Variants in SPICE1 observed in about 807,000 individuals in gnomAD.
The protein encoded by SPICE1 is spindle and centriole associated protein 1.
A neutral mutation model predicts 102.7 loss-of-function variants in SPICE1; 75 were observed. The ratio of observed to expected loss-of-function variants is 0.73; its 90% CI spans 0.61 to 0.88. The LOEUF (loss-of-function observed/expected upper bound fraction) is 0.88. SPICE1 is among the 40% of genes least tolerant of loss of function. The probability of loss-of-function intolerance (pLI) is 0.00; values close to 1 mark genes in which losing one functional copy is unlikely to be tolerated. For synonymous variants in SPICE1, 308 were observed against 350.3 expected (o/e 0.88, Z 1.35); for missense variants, 979 against 1,020.1 (o/e 0.96, Z 0.55).
At chr3:113,471,428 T>G (rs1183795496) in intron 7 of SPICE1, among the ~76,000 whole-genome samples, 1 of 152,196 alleles carries the variant, frequency 6.6e-6, no homozygotes, top group African/African-American at 2.4e-5. Context: ...AGCCACAATT[T>G]CAGAAGCTAG....
rs199785041 is a variant in SPICE1, at chr3:113,450,320, T to A, written c.2323+16A>T. On this transcript the variant is annotated intron_variant, in intron 15 of 17. Coordinates refer to ENST00000295872, the MANE Select transcript of SPICE1 (RefSeq NM_144718.4). ...CTTCATATTTCTAGTTTTTAAATCA[T>A]GAATTTGTGACCAACCAGTCCATGC... 857 of 1,613,810 alleles carry A rather than the reference T, an allele frequency of 5.3e-4. 4 individuals carry two copies. Among genetic ancestry groups the A allele is most frequent in the Admixed American group, 2.5e-3 (150 of 59,994 alleles).
chr3:113,454,919 C>CA (rs1254516312), intron 13 of SPICE1, among the ~76,000 whole-genome samples: 1 of 152,134 alleles, frequency 6.6e-6, no homozygotes, highest in Non-Finnish European at 1.5e-5. Context: ...CAATCTTACA[C>CA]AAAAAATAAT....
chr3:113,454,578 T>A (rs563090308), intron 13 of SPICE1, among the ~76,000 whole-genome samples: 14 of 152,216 alleles, frequency 9.2e-5, no homozygotes, highest in Middle Eastern at 3.4e-3. Flanking sequence ...TAGCCAGCCA[T>A]GATGGTGCAC....
At chr3:113,467,154 C>T (rs1576628790) in intron 10 of SPICE1, among the ~76,000 whole-genome samples, 1 of 152,126 alleles carries the variant, frequency 6.6e-6, no homozygotes, top group Admixed American at 6.5e-5. Flanking sequence ...TTTCCTTAAA[C>T]ATTTTTGTCA....
chr3:113,459,946 G>T, intron 12 of SPICE1: 2 of 983,848 alleles, frequency 2.0e-6, no homozygotes, highest in African/African-American at 3.5e-5. Flanking sequence ...CCTAGCCAAT[G>T]AGTTTACCTC....
intron 16 of SPICE1, among the ~76,000 whole-genome samples, chr3:113,447,210 G>A (rs1935538591): frequency 6.6e-6 from 1 of 152,020 alleles, no homozygotes; most frequent in Non-Finnish European, 1.5e-5. Context: ...CATGAAAATG[G>A]ACTAATACAA....
At chr3:113,468,027 G>A (rs530172337) in intron 10 of SPICE1, 112 bp downstream of exon 10, 12 of 1,386,322 alleles carry the variant, frequency 8.7e-6, no homozygotes, top group Admixed American at 2.3e-5. Flanking sequence ...TATTTTAAAC[G>A]AAGCTATTCA....
In SPICE1 at chr3:113,506,580, C is replaced by A; in HGVS notation, c.26G>T (p.Cys9Phe). Residue 9 changes from cysteine (C) to phenylalanine (F), a missense_variant, in exon 2 of 18, where the codon TGT becomes TTT. Transcript: ENST00000295872. ...CTTTCTTACACCAACTCGGGGACCA[C>A]AGCGGTTCACTCTGACAAATGACAT... is the stretch of plus-strand genomic sequence containing the variant. MSFVRVNR[C>F]GPRVGVRKTP... The A allele has an allele frequency of 6.2e-7, 1 of 1,613,178 alleles. No homozygotes were observed.
chr3:113,454,939 A>C (rs1014892911), intron 13 of SPICE1, among the ~76,000 whole-genome samples: 1 of 152,310 alleles, frequency 6.6e-6, no homozygotes, highest in Non-Finnish European at 1.5e-5. Context: ...TTCTGCGAGG[A>C]CATTTGCCCA....
Position 113,453,770 on chromosome 3 carries a change from A to G in SPICE1, c.1838T>C (p.Leu613Ser), listed in dbSNP as rs1389586542. Residue 613 changes from leucine to serine, a missense_variant, in exon 14 of 18, where the codon TTG (leucine) becomes TCG (serine). Coordinates refer to ENST00000295872, the MANE Select transcript of SPICE1 (RefSeq NM_144718.4). ...RWRVSHMGED[L>S]ENKTQAPFVN... The stretch of plus-strand genomic sequence containing the variant: ...AAAAGGAGCCTGAGTTTTGTTCTCC[A>G]AATCTTCTCCCATGTGAGAGACTCT... 2 of 1,613,996 alleles carry G rather than the reference A, an allele frequency of 1.2e-6. No individual in the cohort carries two copies. Among genetic ancestry groups the G allele is most frequent in the Non-Finnish European group, 1.7e-6 (2 of 1,180,034 alleles).
At chr3:113,447,944 T>C (rs1935553758) in intron 16 of SPICE1, 94 bp downstream of exon 16, 1 of 1,156,240 alleles carries the variant, frequency 8.6e-7, no homozygotes, top group Non-Finnish European at 1.2e-6. Flanking sequence ...CTAAGTCAGA[T>C]ACTGTACACT....
At chr3:113,491,282 C>T (rs1211426024) in intron 6 of SPICE1, among the ~76,000 whole-genome samples, 1 of 149,142 alleles carries the variant, frequency 6.7e-6, no homozygotes, top group Non-Finnish European at 1.5e-5. Context: ...ACCCAGAGAA[C>T]TTAAGTAATG....
chr3:113,477,672 A>G (rs1234200451), intron 7 of SPICE1, among the ~76,000 whole-genome samples: 1 of 152,036 alleles, frequency 6.6e-6, no homozygotes, highest in East Asian at 1.9e-4. Flanking sequence ...CATTCTCAGT[A>G]AACTATTGCA....
At chr3:113,471,317 A>G (rs57366942) in intron 7 of SPICE1, among the ~76,000 whole-genome samples, 9,070 of 152,248 alleles carry the variant, frequency 0.06, 344 homozygotes, top group African/African-American at 0.1. Context: ...AAAATTTTTC[A>G]TATTTCATGT....
Position 113,469,214 on chromosome 3 carries a change from C to A in SPICE1, c.636G>T (p.Glu212Asp). The A allele has an allele frequency of 2.5e-6, 4 of 1,588,144 alleles. No homozygotes were observed. The highest frequency in any genetic ancestry group is 4.5e-5 in the East Asian group (2 of 44,322). ...ACAACTTACTAATTAACTCAAAATT[C>A]TCTTCTGTTAGTTGTTGGAGAAACC... is the stretch of plus-strand genomic sequence containing the variant. Reference protein sequence around the residue: ...TDRFLQQLTEENFELISKLWT... With the variant: ...TDRFLQQLTEDNFELISKLWT... Residue 212 changes from glutamate (E) to aspartate (D), a missense_variant, in exon 8 of 18, where the codon GAG becomes GAT. Glu to Asp is a conservative substitution (Grantham distance 45). Transcript: ENST00000295872.
chr3:113,459,625 T>C (rs908841113), intron 12 of SPICE1: 2 of 983,198 alleles, frequency 2.0e-6, no homozygotes, highest in Non-Finnish European at 2.4e-6. Flanking sequence ...GGCTCACGCC[T>C]GTAATCCCAA....
At chr3:113,503,124 G>T in intron 3 of SPICE1, 56 bp downstream of exon 3, 2 of 1,557,452 alleles carry the variant, frequency 1.3e-6, no homozygotes, top group Non-Finnish European at 1.8e-6. Flanking sequence ...AAGGTTACAA[G>T]TCAAATACCA....
At chr3:113,467,452 C>T (rs927416254) in intron 10 of SPICE1, among the ~76,000 whole-genome samples, 8 of 152,186 alleles carry the variant, frequency 5.3e-5, no homozygotes, top group African/African-American at 1.9e-4. Context: ...CCACCATGCC[C>T]GACTAATTTT....
rs890803053 is a variant in SPICE1 at position 113,448,876 on chromosome 3, C to T, written c.2324-736G>A. 5.9e-5 allele frequency: 9 copies of T among 152,084 alleles called. No homozygotes were observed. The East Asian group carries it at 1.7e-3, about 29-fold the overall frequency. 9.4% of individuals were successfully genotyped at this position (152,084 alleles called of 1,614,324 possible). ...TTTTTATTTTTATCATTATAGTCCACAGCAGCTTTTTTTTAAACAAATATA... is the reference window on the plus strand; with the variant it reads ...TTTTTATTTTTATCATTATAGTCCATAGCAGCTTTTTTTTAAACAAATATA... On this transcript the variant is annotated intron_variant, in intron 15 of 17. Coordinates refer to ENST00000295872, the MANE Select transcript of SPICE1 (RefSeq NM_144718.4).
Sources: gnomAD v4.1 joint callset for allele counts (sites outside exome capture counted in the v4.1 genomes callset) on GRCh38, gnomAD v4.1.1 for gene constraint, MANE v1.5 for transcripts, NCBI Gene and HGNC (gene_info 2026-07-23, HGNC 2026-07-21) for gene names.